Variants in NAV1 observed in about 807,000 individuals in gnomAD.
The protein encoded by NAV1 is pore membrane and/or filament interacting like protein 3.
Under a neutral mutation model 175.2 loss-of-function variants are expected in NAV1, and 18 were observed. The observed-to-expected ratio is 0.10, with a 90% CI of 0.07 to 0.15. The LOEUF (loss-of-function observed/expected upper bound fraction) is 0.15, where lower values mean the gene tolerates loss of function less well. Among genes scored for constraint, NAV1 ranks in the 10% least tolerant of loss-of-function variants. The pLI is 1.00. For synonymous variants in NAV1, 897 were observed against 978.7 expected, an observed-to-expected ratio of 0.92 and a Z score of 1.56; for missense variants, 1,731 against 2,436.6, an observed-to-expected ratio of 0.71 and a Z score of 6.10.
intron 25 of NAV1, 46 bp downstream of exon 29, chr1:201,811,803 G>T (rs1364297918): frequency 6.2e-7 from 1 of 1,607,180 alleles, no homozygotes; most frequent in Admixed American, 1.7e-5. Context: ...GTGGGAGGAG[G>T]GAGAACCCAG....
chr1:201,668,201 G>T (rs1425415796), intron 1 of NAV1, among the ~76,000 whole-genome samples: 1 of 152,130 alleles, frequency 6.6e-6, no homozygotes, highest in Non-Finnish European at 1.5e-5. Context: ...AGCAAGGAGG[G>T]TTTGGGATTT....
chr1:201,666,418 G>A (rs897292633), intron 1 of NAV1, among the ~76,000 whole-genome samples: 1 of 152,158 alleles, frequency 6.6e-6, no homozygotes, highest in African/African-American at 2.4e-5. Flanking sequence ...AAGTCTGGAA[G>A]AAAAGACAGA....
intron 15 of NAV1, among the ~76,000 whole-genome samples, chr1:201,802,455 A>AT (rs1464905199): frequency 1.0e-4 from 7 of 68,200 alleles, no homozygotes; most frequent in African/African-American, 2.6e-4. Context: ...ACCCTGTCTC[A>AT]TTAAAAAAAA....
Position 201,782,286 on chromosome 1 carries a change from C to G in NAV1, c.1774C>G (p.Pro592Ala), listed in dbSNP as rs754704015. Reference sequence around the variant, plus strand: ...GGACCGCCTGAGTGATGCTAAGAAGCCCCCCTCGGGCATTGCTCGCCCCTC... The same window carrying G: ...GGACCGCCTGAGTGATGCTAAGAAGGCCCCCTCGGGCATTGCTCGCCCCTC... The change falls in exon 6 of 30, where the codon CCC becomes GCC. Residue 592 changes from proline (P) to alanine (A), a missense_variant. This residue lies in a region of NAV1 where 634 missense variants were observed against 766.8 expected (regional missense o/e 0.83). Coordinates refer to ENST00000367296, the Ensembl canonical transcript of NAV1. The surrounding 1 kb of genome is among the most constrained non-coding windows in gnomAD (Gnocchi z 5.4). The G allele has an allele frequency of 1.2e-6, 2 of 1,614,054 alleles. No individual in the cohort carries two copies. The highest frequency in any genetic ancestry group is 1.7e-6 in the Non-Finnish European group (2 of 1,180,020).
chr1:201,811,054 C>T (rs558172326), intron 24 of NAV1, among the ~76,000 whole-genome samples: 1 of 152,158 alleles, frequency 6.6e-6, no homozygotes, highest in African/African-American at 2.4e-5. Flanking sequence ...GCACCTTCCT[C>T]CTCAGTTGGT....
At chr1:201,737,091 C>T (rs912318865) in intron 3 of NAV1, among the ~76,000 whole-genome samples, 1 of 152,124 alleles carries the variant, frequency 6.6e-6, no homozygotes, top group African/African-American at 2.4e-5. Flanking sequence ...CAGAAGCTCC[C>T]CATTGACAGG....
At chr1:201,714,545 G>A (rs1672056445) in intron 2 of NAV1, among the ~76,000 whole-genome samples, 1 of 152,168 alleles carries the variant, frequency 6.6e-6, no homozygotes, top group South Asian at 2.1e-4. Flanking sequence ...GATGGTGGGG[G>A]CTCCAGGACC....
chr1:201,781,034 G>A (rs202107593), exon 5 of NAV1: 189 of 1,612,818 alleles, frequency 1.2e-4, no homozygotes, highest in Middle Eastern at 5.0e-4. Context: ...TCAGAGAAGC[G>A]CTCACTGGCA....
chr1:201,576,274 G>T (rs1666687928), intron 1 of NAV1, among the ~76,000 whole-genome samples: 1 of 152,178 alleles, frequency 6.6e-6, no homozygotes, highest in Non-Finnish European at 1.5e-5. Flanking sequence ...TATTCCTTTT[G>T]GGAACAGTTA....
At chr1:201,725,650 T>TA (rs5780086) in intron 3 of NAV1, among the ~76,000 whole-genome samples, 125,849 of 147,724 alleles carry the variant, frequency 0.85, 54,218 homozygotes, top group East Asian at 0.91. Context: ...CTCCGTCTCT[T>TA]AAAAAAAAAA....
intron 1 of NAV1, among the ~76,000 whole-genome samples, chr1:201,706,268 T>TGC (rs1050379650): frequency 1.3e-5 from 2 of 151,876 alleles, no homozygotes; most frequent in African/African-American, 4.8e-5. Flanking sequence ...TGTGTGTGTG[T>TGC]GTGTGTGTGT....
intron 1 of NAV1, among the ~76,000 whole-genome samples, chr1:201,551,978 C>A (rs922878141): frequency 3.3e-5 from 5 of 152,194 alleles, no homozygotes; most frequent in Non-Finnish European, 7.3e-5. Flanking sequence ...GCCACATCAC[C>A]CCTCTTAGTC....
intron 13 of NAV1, chr1:201,792,711 ATAT>A (rs1321212709): frequency 1.3e-5 from 2 of 152,374 alleles, no homozygotes; most frequent in East Asian, 3.9e-4. Context: ...AGGTTGTGAC[ATAT>A]TATAATCTCC....
At chr1:201,666,910 CTCAACGGAATTA>C (rs1300309211) in intron 1 of NAV1, among the ~76,000 whole-genome samples, 2 of 152,056 alleles carry the variant, frequency 1.3e-5, no homozygotes, top group Non-Finnish European at 2.9e-5. Context: ...TAGGATTTCT[CTCAACGGAATTA>C]AAAAAACAAG....
At chr1:201,603,438 G>A (rs1331478496) in intron 2 of NAV1, among the ~76,000 whole-genome samples, 1 of 152,208 alleles carries the variant, frequency 6.6e-6, no homozygotes, top group African/African-American at 2.4e-5. Context: ...ACTAGGGTCA[G>A]GACACCCTAC....
At chr1:201,711,657 C>T (rs994436962) in intron 1 of NAV1, among the ~76,000 whole-genome samples, 3 of 152,212 alleles carry the variant, frequency 2.0e-5, no homozygotes, top group African/African-American at 7.2e-5. Context: ...GTTTTGCCAT[C>T]ATCTTTCTGT....
intron 2 of NAV1, among the ~76,000 whole-genome samples, chr1:201,600,601 C>T (rs1198833825): frequency 1.3e-5 from 2 of 152,086 alleles, no homozygotes; most frequent in Admixed American, 1.3e-4. Flanking sequence ...GAACTCTGTA[C>T]TATCTTTGCA....
chr1:201,660,118 C>T (rs902274345), intron 1 of NAV1, among the ~76,000 whole-genome samples: 7 of 152,132 alleles, frequency 4.6e-5, no homozygotes, highest in Admixed American at 1.3e-4. Context: ...TACAGCATGG[C>T]CTCCCTGTCA....
chr1:201,626,671 G>T (rs1668338159), intron 1 of NAV1, among the ~76,000 whole-genome samples: 1 of 152,158 alleles, frequency 6.6e-6, no homozygotes, highest in African/African-American at 2.4e-5. Context: ...TTTCCCAACT[G>T]CCAGTGCACC....
Sources: gnomAD v4.1 joint callset for allele counts (sites outside exome capture counted in the v4.1 genomes callset) on GRCh38, gnomAD v4.1.1 for gene constraint, gnomAD v4.1.1 regional missense constraint, Gnocchi (gnomAD v3.1) non-coding constraint, MANE v1.5 for transcripts, NCBI Gene and HGNC (gene_info 2026-07-23, HGNC 2026-07-21) for gene names.